LBHD2: variants seen among roughly 807,000 people sequenced by gnomAD.
LBHD2 encodes LBH domain-containing protein 2.
intron 3 of LBHD2, among the ~76,000 whole-genome samples, 180 bp downstream of exon 3, chr14:103,088,421 A>AC (rs1889663984): frequency 6.6e-6 from 1 of 151,534 alleles, no homozygotes; most frequent in South Asian, 2.1e-4. Context: ...CCTGGCCTTA[A>AC]CCCCCCTCCC....
At chr14:103,087,348 T>C (rs1446787766) in intron 2 of LBHD2, among the ~76,000 whole-genome samples, 1 of 152,156 alleles carries the variant, frequency 6.6e-6, no homozygotes, top group Non-Finnish European at 1.5e-5. Context: ...TTTGGGAAGG[T>C]GGACCCAGCA....
At chr14:103,084,605 G>A (rs908797446) in intron 1 of LBHD2, among the ~76,000 whole-genome samples, 29 of 152,162 alleles carry the variant, frequency 1.9e-4, no homozygotes, top group African/African-American at 6.5e-4. Flanking sequence ...CAGCCCTTGG[G>A]CACTTGTTCC....
At chr14:103,087,617 C>G (rs1168411557) in intron 2 of LBHD2, among the ~76,000 whole-genome samples, 3 of 152,242 alleles carry the variant, frequency 2.0e-5, no homozygotes, top group Non-Finnish European at 4.4e-5. Context: ...AGCCCAGAGC[C>G]AGCCGTTTGG....
intron 3 of LBHD2, among the ~76,000 whole-genome samples, chr14:103,089,074 A>C (rs890349929): frequency 5.3e-5 from 8 of 152,188 alleles, no homozygotes; most frequent in African/African-American, 1.7e-4. Context: ...CAGGAGAGGC[A>C]GCAGGCTGGG....
At chr14:103,084,547 G>T (rs955715369) in intron 1 of LBHD2, among the ~76,000 whole-genome samples, 200 bp downstream of exon 1, 2 of 152,218 alleles carry the variant, frequency 1.3e-5, no homozygotes, top group Non-Finnish European at 2.9e-5. Flanking sequence ...TGCCCTCGAT[G>T]TGTGGTGCCC....
chr14:103,085,531 G>T (rs1036773411), intron 1 of LBHD2, among the ~76,000 whole-genome samples: 2 of 152,180 alleles, frequency 1.3e-5, no homozygotes, highest in African/African-American at 4.8e-5. Context: ...GCATGCTCTC[G>T]AGGAGGAAAT....
rs1889689889 is a variant in LBHD2, at chr14:103,089,886, C to A, written c.*89C>A. On this transcript the variant is annotated 3_prime_UTR_variant, in exon 4 of 4. Transcript: ENST00000634353. ...CTGATGCACAGGAGGGCCGGGCCTG[C>A]CCAGCCTGGAAAGCCCAGAGGCTGC... The A allele has an allele frequency of 5.0e-6, 2 of 398,034 alleles. No homozygotes were observed. Among genetic ancestry groups the A allele is most frequent in the Non-Finnish European group, 4.4e-6 (1 of 225,882 alleles). 24.7% of individuals were successfully genotyped at this position (398,034 alleles called of 1,614,324 possible).
intron 1 of LBHD2, among the ~76,000 whole-genome samples, chr14:103,085,596 C>T (rs931483115): frequency 2.8e-4 from 43 of 152,234 alleles, no homozygotes; most frequent in African/African-American, 8.9e-4. Flanking sequence ...CCCAGCCTCC[C>T]GTCTCAGGAA....
rs1479485221 is a variant in LBHD2, at chr14:103,086,064, G to C, written c.52G>C (p.Gly18Arg). The C allele has an allele frequency of 7.5e-6, 3 of 398,384 alleles. No homozygotes were observed. Among genetic ancestry groups the C allele is most frequent in the Non-Finnish European group, 1.3e-5 (3 of 226,036 alleles). The allele number at this position is 398,384 out of a possible 1,614,324, so 24.7% of individuals were successfully genotyped here. The change falls in exon 2 of 4, where the codon GGA (glycine) becomes CGA (arginine). Residue 18 changes from glycine (G) to arginine (R), a missense_variant. Transcript: ENST00000634353. ...ACAGCCAGGCGCTGCTGAGGGGGCT[G>C]GAGGCCCAGAAGGGAAGGTATGCGC... ...PPQPGAAEGAGGPEGKAVAGA... is the reference protein window; with the variant it reads ...PPQPGAAEGARGPEGKAVAGA...
intron 3 of LBHD2, 31 bp from the exon 4 acceptor site, chr14:103,089,666 G>T: frequency 2.5e-6 from 1 of 398,590 alleles, no homozygotes; most frequent in Non-Finnish European, 4.4e-6. Context: ...TCCCCCCGCC[G>T]ACCAACACGG....
chr14:103,088,057 G>T lies in LBHD2; in HGVS notation c.70-28G>T, dbSNP rs139465652. 2,812 of 398,838 alleles carry T rather than the reference G, an allele frequency of 7.1e-3. 67 individuals are homozygous for T. The highest frequency in any genetic ancestry group is 0.053 in the African/African-American group (2,599 of 48,738). The allele number at this position is 398,838 out of a possible 1,614,324, so 24.7% of individuals were successfully genotyped here. ...GAATAGGAGTGCCAGGCCTGGCATG[G>T]CCATGATCCTGCCCATCCTCCTTGC... On this transcript the variant is annotated intron_variant, in intron 2 of 3. Coordinates refer to ENST00000634353, the MANE Select transcript of LBHD2 (RefSeq NM_001330236.2).
chr14:103,086,622 G>A (rs765254290), intron 2 of LBHD2, among the ~76,000 whole-genome samples: 5 of 152,128 alleles, frequency 3.3e-5, no homozygotes, highest in Non-Finnish European at 7.4e-5. Flanking sequence ...CCCAAGGCAC[G>A]CTTTGCTCTC....
At chr14:103,084,973 G>C (rs959614793) in intron 1 of LBHD2, among the ~76,000 whole-genome samples, 1 of 152,164 alleles carries the variant, frequency 6.6e-6, no homozygotes, top group African/African-American at 2.4e-5. Context: ...GGAGCCAGAG[G>C]TTGTGGCTTC....
At chr14:103,088,800 C>T (rs956144269) in intron 3 of LBHD2, among the ~76,000 whole-genome samples, 1 of 152,220 alleles carries the variant, frequency 6.6e-6, no homozygotes, top group Non-Finnish European at 1.5e-5. Context: ...TCGAGACTAG[C>T]CTGGCCAACA....
At position 103,086,053 on chromosome 14, in the gene LBHD2, C is replaced by T. The variant is rs1889628268; in HGVS notation, c.41C>T (p.Ala14Val). 2 of 398,592 alleles carry T rather than the reference C, an allele frequency of 5.0e-6. No individual in the cohort carries two copies. Among genetic ancestry groups the T allele is most frequent in the South Asian group, 2.5e-4 (2 of 7,868 alleles). 24.7% of individuals were successfully genotyped at this position (398,592 alleles called of 1,614,324 possible). Reference protein sequence around the residue: ...PRPAPPQPGAAEGAGGPEGKA... With the variant: ...PRPAPPQPGAVEGAGGPEGKA... Reference sequence around the variant, plus strand: ...CCTGCTCCACCACAGCCAGGCGCTGCTGAGGGGGCTGGAGGCCCAGAAGGG... The same window carrying T: ...CCTGCTCCACCACAGCCAGGCGCTGTTGAGGGGGCTGGAGGCCCAGAAGGG... The change falls in exon 2 of 4, where the codon GCT becomes GTT. Residue 14 changes from alanine (A) to valine (V), a missense_variant. By Grantham distance (64) the Ala-to-Val change is moderately conservative (BLOSUM62 0). Transcript: ENST00000634353.
rs12880869 is a variant in LBHD2 at position 103,086,085 on chromosome 14, T to A, written c.69+4T>A. 0.065 allele frequency: 25,692 copies of A among 392,974 alleles called. 1,412 individuals carry two copies. Among genetic ancestry groups the A allele is most frequent in the African/African-American group, 0.2 (9,829 of 48,292 alleles). 24.3% of individuals were successfully genotyped at this position (392,974 alleles called of 1,614,324 possible). A position where few individuals can be genotyped will look rare whatever the true frequency, so the allele number is the denominator to read the frequency against. ...GGCTGGAGGCCCAGAAGGGAAGGTA[T>A]GCGCTCGGGACCCTGGGGGGGTCGG... On this transcript the variant is annotated splice_donor_region_variant and intron_variant, in intron 2 of 3. Transcript: ENST00000634353.
At position 103,088,225 on chromosome 14, in the gene LBHD2, GA is replaced by G; in HGVS notation, c.211del (p.Ser71AlafsTer49). On this transcript the variant is annotated frameshift_variant, in exon 3 of 4. Transcript: ENST00000634353. LOFTEE classifies it low-confidence loss of function (END_TRUNC). ...AGAGTGCCCAGAGGGGCCCCTCTCA[GA>G]GCCGGGCTGCTGCTGGTAAGTGAGG... ...LESAQRGPSQ[S>X]RAAAAPSPSL... 2.5e-6 allele frequency: 1 copy of G among 398,876 alleles called. No individual in the cohort carries two copies. The allele number at this position is 398,876 out of a possible 1,614,324, so 24.7% of individuals were successfully genotyped here. A position where few individuals can be genotyped will look rare whatever the true frequency, so the allele number is the denominator to read the frequency against.
chr14:103,087,259 T>C (rs1301755973), intron 2 of LBHD2, among the ~76,000 whole-genome samples: 1 of 152,238 alleles, frequency 6.6e-6, no homozygotes, highest in African/African-American at 2.4e-5. Context: ...TGTTCAGGGA[T>C]CTTGCTGCAG....
intron 3 of LBHD2, among the ~76,000 whole-genome samples, 175 bp downstream of exon 3, chr14:103,088,416 C>A (rs548307762): frequency 1.2e-3 from 188 of 152,248 alleles, no homozygotes; most frequent in Non-Finnish European, 2.2e-3. Context: ...TGCTGCCTGG[C>A]CTTAACCCCC....
Sources: allele counts gnomAD v4.1 joint callset (sites outside exome capture counted in the v4.1 genomes callset), GRCh38; gene constraint gnomAD v4.1.1; transcripts MANE v1.5; gene names NCBI Gene and HGNC (gene_info 2026-07-23, HGNC 2026-07-21).